SRCAP: variants seen among roughly 807,000 people sequenced by gnomAD.
SRCAP encodes the protein Snf2 related CREBBP activator protein.
Under a neutral mutation model 263.1 loss-of-function variants are expected in SRCAP, and 46 were observed. The observed-to-expected ratio is 0.17, with a 90% CI of 0.14 to 0.22. The LOEUF (loss-of-function observed/expected upper bound fraction) is 0.22. Ranked by LOEUF, SRCAP falls within the 10% of genes least tolerant of loss-of-function variation. SRCAP has a pLI of 1.00. For missense variants in SRCAP, 3,695 were observed against 4,181.9 expected (o/e 0.88, Z 3.21); for synonymous variants, 1,813 against 1,662.1 (o/e 1.09, Z -2.21).
intron 10 of SRCAP, 108 bp from the exon 11 acceptor site, chr16:30,711,463 T>G: frequency 8.4e-7 from 1 of 1,194,550 alleles, no homozygotes; most frequent in Non-Finnish European, 1.2e-6. Flanking sequence ...CCCTCAGACC[T>G]GGGCCTAGCA....
intron 8 of SRCAP, 52 bp from the exon 9 acceptor site, chr16:30,710,702 C>T (rs766337943): frequency 2.5e-6 from 4 of 1,582,894 alleles, no homozygotes; most frequent in Non-Finnish European, 3.5e-6. Flanking sequence ...TTGTGCCATT[C>T]TTCTGCTACT....
At position 30,722,692 on chromosome 16, in the gene SRCAP, C is replaced by A. The variant is rs376985037; in HGVS notation, c.3836C>A (p.Thr1279Asn). Reference protein sequence around the residue: ...PTPVSVLPSSTPSTTPAPTGL... With the variant: ...PTPVSVLPSSNPSTTPAPTGL... The stretch of plus-strand genomic sequence containing the variant: ...CCTGTCTCTGTGCTGCCTTCTTCGA[C>A]CCCCAGCACCACCCCTGCCCCTACT... Residue 1279 changes from threonine (T) to asparagine (N), a missense_variant, in exon 23 of 34, where the codon ACC becomes AAC. Physicochemically the swap from Thr to Asn is moderately conservative, Grantham distance 65. Transcript: ENST00000262518. 2.5e-6 allele frequency: 4 copies of A among 1,613,764 alleles called. No individual in the cohort carries two copies. The African/African-American group carries it at 5.3e-5, about 22-fold the overall frequency.
chr16:30,701,278 T>G (rs1422020185), intron 3 of SRCAP: 1 of 165,794 alleles, frequency 6.0e-6, no homozygotes, highest in African/African-American at 2.4e-5. Flanking sequence ...AGCATGACTT[T>G]TAAACACATC....
At chr16:30,712,179 T>C in intron 12 of SRCAP, 22 bp downstream of exon 12, 1 of 1,607,756 alleles carries the variant, frequency 6.2e-7, no homozygotes, top group Non-Finnish European at 8.5e-7. Context: ...TTCTGGCCTC[T>C]CCTTTCTCAT....
In SRCAP at chr16:30,724,872, A is replaced by G. The variant is rs768345237; in HGVS notation, c.5448A>G (p.Pro1816=). The change falls in exon 25 of 34, where the codon CCA becomes CCG. Residue 1816 remains proline, a synonymous_variant. Coordinates refer to ENST00000262518, the MANE Select transcript of SRCAP (RefSeq NM_006662.3). ...LALAPASTQS[P]ASQASSLVVS... ...TGGCCCCAGCCTCCACACAGTCCCC[A>G]GCTTCCCAGGCATCTTCCCTTGTGG... 4.3e-6 allele frequency: 7 copies of G among 1,614,040 alleles called. No homozygotes were observed. In the Admixed American group the frequency reaches 1.0e-4, roughly 23 times the overall value.
intron 3 of SRCAP, 83 bp from the exon 4 acceptor site, chr16:30,703,981 T>G (rs1303735295): frequency 6.7e-7 from 1 of 1,484,120 alleles, no homozygotes; most frequent in Non-Finnish European, 9.1e-7. Context: ...TTTTTTCTTG[T>G]GAAGATCGGA....
intron 1 of SRCAP, among the ~76,000 whole-genome samples, chr16:30,699,608 T>C (rs2052743137): frequency 6.6e-6 from 1 of 152,190 alleles, no homozygotes; most frequent in Admixed American, 6.5e-5. Context: ...AGGTAGCACC[T>C]TTCTGAGGTT....
chr16:30,721,345 A>G lies in SRCAP; in HGVS notation c.3410A>G (p.Tyr1137Cys). 1 of 1,614,056 alleles carries G rather than the reference A, an allele frequency of 6.2e-7. No individual in the cohort carries two copies. The highest frequency in any genetic ancestry group is 8.5e-7 in the Non-Finnish European group (1 of 1,180,012). The change falls in exon 21 of 34, where the codon TAC (tyrosine) becomes TGC (cysteine). Residue 1137 changes from tyrosine (Y) to cysteine (C), a missense_variant. Tyr to Cys is a radical substitution (Grantham distance 194, BLOSUM62 -2). This residue lies in a region of SRCAP where 1,347 missense variants were observed against 1,304.4 expected (regional missense o/e 1.03). Coordinates refer to ENST00000262518, the MANE Select transcript of SRCAP (RefSeq NM_006662.3). ...LLKPLTVPPG[Y>C]TFPPAAATTT... ...AAGCCCCTGACAGTGCCACCAGGCT[A>G]CACCTTCCCTCCTGCTGCTGCCACC...
At position 30,739,407 on chromosome 16, in the gene SRCAP, C is replaced by T. The variant is rs1168494909; in HGVS notation, c.9367C>T (p.Arg3123Cys). Reference sequence around the variant, plus strand: ...CCCAAAACTGCGCTCGACCCGGCTGCGTCCAGGGTCTCTAGTCCCCCCACT... The same window carrying T: ...CCCAAAACTGCGCTCGACCCGGCTGTGTCCAGGGTCTCTAGTCCCCCCACT... ...LTPKLRSTRL[R>C]PGSLVPPLET... Residue 3123 changes from arginine to cysteine, a missense_variant, in exon 34 of 34, where the codon CGT (arginine) becomes TGT (cysteine). This residue lies in a region of SRCAP where 1,207 missense variants were observed against 1,142.9 expected (regional missense o/e 1.06). Coordinates refer to ENST00000262518, the MANE Select transcript of SRCAP (RefSeq NM_006662.3). The T allele has an allele frequency of 9.9e-6, 16 of 1,614,112 alleles. No homozygotes were observed. The highest frequency in any genetic ancestry group is 5.3e-5 in the African/African-American group (4 of 74,954).
rs749522651 is a variant in SRCAP, at chr16:30,723,997, C to G, written c.4573C>G (p.Leu1525Val). Residue 1525 changes from leucine (L) to valine (V), a missense_variant, in exon 25 of 34, where the codon CTG becomes GTG. Around this residue, in one of 12 missense-constraint regions of SRCAP, gnomAD observed 1,347 missense variants for 1,304.4 expected, o/e 1.03. Coordinates refer to ENST00000262518, the MANE Select transcript of SRCAP (RefSeq NM_006662.3). ...LSSSQTPGHPLLLAPTSSHVP... is the reference protein window; with the variant it reads ...LSSSQTPGHPVLLAPTSSHVP... ...TTCATCTCAGACACCTGGTCACCCT[C>G]TGTTGTTGGCTCCCACCTCTTCACA... 6.2e-7 allele frequency: 1 copy of G among 1,614,126 alleles called. No homozygotes were observed. Among genetic ancestry groups the G allele is most frequent in the Non-Finnish European group, 8.5e-7 (1 of 1,180,028 alleles).
At position 30,713,216 on chromosome 16, in the gene SRCAP, C is replaced by G. The variant is rs764524127; in HGVS notation, c.2139C>G (p.Thr713=). 6.2e-7 allele frequency: 1 copy of G among 1,614,046 alleles called. No homozygotes were observed. The highest frequency in any genetic ancestry group is 8.5e-7 in the Non-Finnish European group (1 of 1,180,022). The change falls in exon 15 of 34, where the codon ACC becomes ACG. Residue 713 remains threonine (T), a synonymous_variant. Transcript: ENST00000262518. ...TGTCTTTGATCCCTCAGGGCTGGAC[C>G]AAGCCCAATGCCTTTCATGTGTGTA... is the stretch of plus-strand genomic sequence containing the variant. The part of the protein sequence containing the change: ...KERKLKRQGW[T]KPNAFHVCIT...
At chr16:30,732,648 C>T (rs551327576) in intron 27 of SRCAP, among the ~76,000 whole-genome samples, 1 of 152,220 alleles carries the variant, frequency 6.6e-6, no homozygotes, top group Admixed American at 6.5e-5. Context: ...TGAATCTGTT[C>T]TGGATTTCAG....
chr16:30,738,780 C>T lies in SRCAP; in HGVS notation c.8740C>T (p.Pro2914Ser), dbSNP rs1040219525. 3.1e-6 allele frequency: 5 copies of T among 1,613,814 alleles called. No individual in the cohort carries two copies. The African/African-American group carries it at 5.3e-5, about 17-fold the overall frequency. ...TCCTGTCCTGGAACCACAGCTTATT[C>T]CTGGGCCCCAGCCTCTTGGACCCCA... Reference protein sequence around the residue: ...ADPVLEPQLIPGPQPLGPQPV... With the variant: ...ADPVLEPQLISGPQPLGPQPV... The change falls in exon 34 of 34, where the codon CCT becomes TCT. Residue 2914 changes from proline (P) to serine (S), a missense_variant. This residue lies in a region of SRCAP where 1,207 missense variants were observed against 1,142.9 expected (regional missense o/e 1.06). Coordinates refer to ENST00000262518, the MANE Select transcript of SRCAP (RefSeq NM_006662.3).
chr16:30,735,567 CTT>C (rs10663863), intron 31 of SRCAP, among the ~76,000 whole-genome samples: 3 of 69,594 alleles, frequency 4.3e-5, no homozygotes, highest in Non-Finnish European at 7.5e-5. Flanking sequence ...TTTGACATTA[CTT>C]TTTTTTTTTT....
chr16:30,703,689 G>A (rs1365940390), intron 3 of SRCAP, among the ~76,000 whole-genome samples: 1 of 151,600 alleles, frequency 6.6e-6, no homozygotes, highest in East Asian at 2.0e-4. Flanking sequence ...GAGGTCAGGA[G>A]ATCGAGACCA....
chr16:30,721,213 T>G lies in SRCAP; in HGVS notation c.3278T>G (p.Leu1093Arg), dbSNP rs749243814. The G allele has an allele frequency of 5.6e-6, 9 of 1,612,240 alleles. No individual in the cohort carries two copies. The Admixed American group carries it at 1.3e-4, about 24-fold the overall frequency. ...GTGTTGCCATCCCCCCTGGGGGTCC[T>G]GAGTGGGACCTCACGGCCTCCCACG... ...PQVLPSPLGV[L>R]SGTSRPPTPT... The change falls in exon 21 of 34, where the codon CTG (leucine) becomes CGG (arginine). Residue 1093 changes from leucine (L) to arginine (R), a missense_variant. By Grantham distance (102) the Leu-to-Arg change is moderately radical. Coordinates refer to ENST00000262518, the MANE Select transcript of SRCAP (RefSeq NM_006662.3).
At chr16:30,701,257 G>A (rs757310287) in intron 3 of SRCAP, 3 of 167,592 alleles carry the variant, frequency 1.8e-5, no homozygotes, top group Non-Finnish European at 2.6e-5. Context: ...AGGGTGTGGG[G>A]TAGGAAAAAA....
In SRCAP at chr16:30,712,173, GGC is replaced by G. The variant is rs1441522856; in HGVS notation, c.1815+17_1815+18del. 1.3e-5 allele frequency: 21 copies of G among 1,608,766 alleles called. No individual in the cohort carries two copies. The highest frequency in any genetic ancestry group is 1.8e-5 in the Non-Finnish European group (21 of 1,176,134). On this transcript the variant is annotated intron_variant, in intron 12 of 33. Transcript: ENST00000262518. ...CACGACCCAGGTATCCCCAGGTTCT[GGC>G]CTCTCCTTTCTCATGTCTTGACTTT...
chr16:30,731,137 A>C (rs984605888), intron 27 of SRCAP, among the ~76,000 whole-genome samples: 2 of 152,240 alleles, frequency 1.3e-5, no homozygotes, highest in African/African-American at 4.8e-5. Context: ...CACTCTGAGA[A>C]GGTTTTCTGG....
Sources: gnomAD v4.1 joint callset for allele counts (sites outside exome capture counted in the v4.1 genomes callset) on GRCh38, gnomAD v4.1.1 for gene constraint, gnomAD v4.1.1 regional missense constraint, MANE v1.5 for transcripts, NCBI Gene and HGNC (gene_info 2026-07-23, HGNC 2026-07-21) for gene names.